MEF2C: variants seen among roughly 807,000 people sequenced by gnomAD.
MEF2C encodes myocyte enhancer factor 2C.
In MEF2C, 6 loss-of-function variants were observed where a neutral mutation model predicts 50.5. The ratio of observed to expected loss-of-function variants is 0.12; its 90% CI spans 0.07 to 0.23. The LOEUF (loss-of-function observed/expected upper bound fraction) is 0.23, where lower values mean the gene tolerates loss of function less well. MEF2C is among the 10% of genes least tolerant of loss of function. The probability of loss-of-function intolerance (pLI) is 1.00; values close to 1 mark genes in which losing one functional copy is unlikely to be tolerated. For synonymous variants in MEF2C, 183 were observed against 228.0 expected, an observed-to-expected ratio of 0.80 and a Z score of 1.78; for missense variants, 276 against 605.0, an observed-to-expected ratio of 0.46 and a Z score of 5.70.
At chr5:88,730,929 G>T (rs1483931590) in intron 7 of MEF2C, among the ~76,000 whole-genome samples, 1 of 152,012 alleles carries the variant, frequency 6.6e-6, no homozygotes, top group Non-Finnish European at 1.5e-5. Flanking sequence ...TTGCTCTTAA[G>T]CAAAGCTAAT....
intron 1 of MEF2C, among the ~76,000 whole-genome samples, chr5:88,873,330 T>C (rs1830090883): frequency 6.6e-6 from 1 of 152,058 alleles, no homozygotes; most frequent in Non-Finnish European, 1.5e-5. Context: ...CCACATCAGT[T>C]TCTCAAGTGT....
chr5:88,867,264 C>A (rs1827708571), intron 1 of MEF2C, among the ~76,000 whole-genome samples: 1 of 152,112 alleles, frequency 6.6e-6, no homozygotes, highest in African/African-American at 2.4e-5. Context: ...CCCTAAGATG[C>A]CAGGCAAAAT....
In MEF2C at chr5:88,786,307, ATG is replaced by A. The variant is rs200457889; in HGVS notation, c.258+18289_258+18290del. 4.2e-3 allele frequency among the ~76,000 whole-genome samples: 640 copies of A among 152,356 alleles called. 6 individuals carry two copies. Among genetic ancestry groups the A allele is most frequent in the African/African-American group, 0.015 (623 of 41,586 alleles). Reference sequence around the variant, plus strand: ...GACCAAAATACAACAAGCTGTTACTATGTGAAACAGTGACTACAAAAACAAAG... The same window carrying A: ...GACCAAAATACAACAAGCTGTTACTATGAAACAGTGACTACAAAAACAAAG... On this transcript the variant is annotated intron_variant, in intron 3 of 10. Coordinates refer to ENST00000504921, the MANE Select transcript of MEF2C (RefSeq NM_002397.5).
At chr5:88,840,338 T>C (rs1422261830) in intron 1 of MEF2C, among the ~76,000 whole-genome samples, 1 of 152,224 alleles carries the variant, frequency 6.6e-6, no homozygotes, top group Non-Finnish European at 1.5e-5. Context: ...ATATTGTGTA[T>C]TGCTTTATGT....
chr5:88,752,183 C>T, intron 4 of MEF2C, 140 bp from the exon 5 acceptor site: 1 of 631,352 alleles, frequency 1.6e-6, no homozygotes. Flanking sequence ...AAGAAGAGCT[C>T]TCAAGACGTT....
chr5:88,742,034 A>T (rs1767070304), intron 6 of MEF2C: 1 of 985,304 alleles, frequency 1.0e-6, no homozygotes, highest in African/African-American at 1.7e-5. Context: ...ATACTATGTA[A>T]GTGTAACTGC....
chr5:88,898,898 C>T (rs1176717156), intron 1 of MEF2C, among the ~76,000 whole-genome samples: 1 of 152,062 alleles, frequency 6.6e-6, no homozygotes, highest in Non-Finnish European at 1.5e-5. Context: ...ATGTAGCAGA[C>T]ATATTGTACT....
intron 1 of MEF2C, among the ~76,000 whole-genome samples, chr5:88,869,290 TATATACACATATATATATATATATAC>T (rs1561420804): frequency 9.4e-5 from 6 of 63,946 alleles, no homozygotes; most frequent in African/African-American, 3.7e-4. Context: ...TATATATATA[TATATACACATATATATATATATATAC>T]ACATATAGCT....
chr5:88,776,527 C>T (rs1245810046), intron 3 of MEF2C, among the ~76,000 whole-genome samples: 2 of 152,274 alleles, frequency 1.3e-5, no homozygotes, highest in East Asian at 3.9e-4. Flanking sequence ...AACCTCAACC[C>T]CTTCCGGCCT....
intron 3 of MEF2C, among the ~76,000 whole-genome samples, chr5:88,787,598 A>G (rs1472986897): frequency 1.3e-5 from 2 of 152,224 alleles, no homozygotes; most frequent in Non-Finnish European, 1.5e-5. Context: ...CTAGAAGTAA[A>G]ATTTGAAAGA....
At chr5:88,875,407 C>T (rs1830748715) in intron 1 of MEF2C, among the ~76,000 whole-genome samples, 1 of 151,938 alleles carries the variant, frequency 6.6e-6, no homozygotes, top group South Asian at 2.1e-4. Flanking sequence ...GTACAAAAAA[C>T]CTCAATGCTA....
intron 2 of MEF2C, among the ~76,000 whole-genome samples, chr5:88,816,684 A>G (rs1172919577): frequency 2.6e-5 from 4 of 151,724 alleles, no homozygotes. Flanking sequence ...GTGGCAATAG[A>G]CCCTATAATT....
rs976813301 is a variant in MEF2C, at chr5:88,862,240, T to C, written c.-143+20715A>G. Among the ~76,000 whole-genome samples, 7 of 152,366 alleles carry C rather than the reference T, an allele frequency of 4.6e-5. No homozygotes were observed. In the East Asian group the frequency reaches 1.3e-3, roughly 29 times the overall value. On this transcript the variant is annotated intron_variant, in intron 1 of 10. Coordinates refer to ENST00000504921, the MANE Select transcript of MEF2C (RefSeq NM_002397.5). ...ACGAAATAATAAAACAATCTTTTTC[T>C]ATAGAATTTGTGGAACTAGTATTTT...
At chr5:88,773,263 A>G (rs1783218208) in intron 3 of MEF2C, among the ~76,000 whole-genome samples, 1 of 152,184 alleles carries the variant, frequency 6.6e-6, no homozygotes, top group South Asian at 2.1e-4. Context: ...TTCTTATTTA[A>G]AATGGAATTA....
chr5:88,880,695 T>C (rs1158884748), intron 1 of MEF2C: 1 of 151,958 alleles, frequency 6.6e-6, no homozygotes, highest in Non-Finnish European at 1.5e-5. Flanking sequence ...TTCCCCCAAA[T>C]TTTTCAAAAT....
chr5:88,899,213 A>G (rs918894050), intron 1 of MEF2C, among the ~76,000 whole-genome samples: 7 of 152,112 alleles, frequency 4.6e-5, no homozygotes, highest in Admixed American at 2.6e-4. Flanking sequence ...GCTCTGGAGT[A>G]TATTGCAAAG....
At chr5:88,873,962 G>C in intron 1 of MEF2C, among the ~76,000 whole-genome samples, 1 of 151,782 alleles carries the variant, frequency 6.6e-6, no homozygotes, top group Non-Finnish European at 1.5e-5. Context: ...ACCTTTTAAA[G>C]ATATTAATGT....
At chr5:88,752,590 A>G (rs1190698209) in intron 4 of MEF2C, 1 of 982,040 alleles carries the variant, frequency 1.0e-6, no homozygotes, top group Non-Finnish European at 1.2e-6. Context: ...ATTTTAACAT[A>G]CAAGATTCAA....
rs960143113 is a variant in MEF2C, at chr5:88,735,990, C to T, written c.638-4089G>A. ...AGCATATAAGACTAATAAGCATAAA[C>T]AGAATTAGTCACTATGGACCATGGC... is the stretch of plus-strand genomic sequence containing the variant. On this transcript the variant is annotated intron_variant, in intron 6 of 10. Coordinates refer to ENST00000504921, the MANE Select transcript of MEF2C (RefSeq NM_002397.5). 12 of 985,206 alleles carry T rather than the reference C, an allele frequency of 1.2e-5. No individual in the cohort carries two copies. The African/African-American group carries it at 2.1e-4, about 17-fold the overall frequency. The allele number at this position is 985,206 out of a possible 1,614,324, so 61.0% of individuals were successfully genotyped here. A position where few individuals can be genotyped will look rare whatever the true frequency, so the allele number is the denominator to read the frequency against.
Sources: allele counts gnomAD v4.1 joint callset (sites outside exome capture counted in the v4.1 genomes callset), GRCh38; gene constraint gnomAD v4.1.1; transcripts MANE v1.5; gene names NCBI Gene and HGNC (gene_info 2026-07-23, HGNC 2026-07-21).